NT5DC2: variants seen among roughly 807,000 people sequenced by gnomAD.
NT5DC2 encodes the protein 5'-nucleotidase domain containing 2.
NT5DC2 carries 41 observed loss-of-function variants against 70.0 expected under a neutral mutation model. That is an observed-to-expected ratio of 0.59 (90% CI 0.46 to 0.76). The LOEUF is 0.76. Among genes scored for constraint, NT5DC2 ranks in the 30% least tolerant of loss-of-function variants. NT5DC2 has a pLI of 0.00. For missense variants in NT5DC2, 705 were observed against 783.2 expected, an observed-to-expected ratio of 0.90 and a Z score of 1.19; for synonymous variants, 299 against 310.4, an observed-to-expected ratio of 0.96 and a Z score of 0.39.
At chr3:52,527,266 C>T (rs758639891) in intron 10 of NT5DC2, 28 bp downstream of exon 10, 2 of 1,609,528 alleles carry the variant, frequency 1.2e-6, no homozygotes, top group Middle Eastern at 1.7e-4. Flanking sequence ...GCCCCCACCA[C>T]ATGCTGCTCT....
In NT5DC2 at chr3:52,529,098, C is replaced by G; in HGVS notation, c.417+52G>C. 6.2e-7 allele frequency: 1 copy of G among 1,610,130 alleles called. No homozygotes were observed. Reference sequence around the variant, plus strand: ...GCCCTGAGCTTAGGCCAAGGTGGGTCTGGCCAGCCTCCAAGCCCTGGGTTT... The same window carrying G: ...GCCCTGAGCTTAGGCCAAGGTGGGTGTGGCCAGCCTCCAAGCCCTGGGTTT... On this transcript the variant is annotated intron_variant, in intron 2 of 13. Coordinates refer to ENST00000422318, the MANE Select transcript of NT5DC2 (RefSeq NM_001134231.2). The surrounding 1 kb of genome is among the most constrained non-coding windows in gnomAD (Gnocchi z 4.1).
rs2079332097 is a variant in NT5DC2 at position 52,529,522 on chromosome 3, T to C, written c.233-188A>G. ...AAGTCACTTGCCCAGGGTCACGCAG[T>C]TAGGGTAAGGCAGAGCCCCTGGCTG... On this transcript the variant is annotated intron_variant, in intron 1 of 13. Coordinates refer to ENST00000422318, the MANE Select transcript of NT5DC2 (RefSeq NM_001134231.2). The surrounding 1 kb of genome is among the most constrained non-coding windows in gnomAD (Gnocchi z 4.1). Among the ~76,000 whole-genome samples, 1 of 152,008 alleles carries C rather than the reference T, an allele frequency of 6.6e-6. No homozygotes were observed. The highest frequency in any genetic ancestry group is 1.5e-5 in the Non-Finnish European group (1 of 67,974).
At position 52,531,847 on chromosome 3, in the gene NT5DC2, C is replaced by T. The variant is rs1184858139; in HGVS notation, c.232+1659G>A. Among the ~76,000 whole-genome samples the T allele has an allele frequency of 6.6e-6, 1 of 152,220 alleles. No individual in the cohort carries two copies. The highest frequency in any genetic ancestry group is 1.5e-5 in the Non-Finnish European group (1 of 68,034). On this transcript the variant is annotated intron_variant, in intron 1 of 13. Coordinates refer to ENST00000422318, the MANE Select transcript of NT5DC2 (RefSeq NM_001134231.2). The surrounding 1 kb of genome is among the most constrained non-coding windows in gnomAD (Gnocchi z 4.1). Reference sequence around the variant, plus strand: ...GCCTTAGAGGCTTGTCTTGTTCAATCCTCACTCCCATCCTGTGAGGCAGTC... The same window carrying T: ...GCCTTAGAGGCTTGTCTTGTTCAATTCTCACTCCCATCCTGTGAGGCAGTC...
At chr3:52,525,176 T>A in intron 11 of NT5DC2, 33 bp downstream of exon 11, 11 of 1,564,916 alleles carry the variant, frequency 7.0e-6, no homozygotes, top group South Asian at 2.3e-5. Context: ...TTCCTGGCCC[T>A]CCCCCACTGC....
Position 52,529,024 on chromosome 3 carries a change from T to A in NT5DC2, c.418-89A>T. The A allele has an allele frequency of 6.3e-7, 1 of 1,586,808 alleles. No individual in the cohort carries two copies. The highest frequency in any genetic ancestry group is 8.6e-7 in the Non-Finnish European group (1 of 1,156,636). On this transcript the variant is annotated intron_variant, in intron 2 of 13. Transcript: ENST00000422318. This position sits in a 1 kb window ranked among gnomAD's most constrained non-coding sequence, Gnocchi z 4.1. ...ACCCCAGGGGGTCAATCCAGCCACC[T>A]GCCCAGGGCAGCTGCCAGGCAAGAG...
At position 52,528,845 on chromosome 3, in the gene NT5DC2, A is replaced by G. The variant is rs1386388515; in HGVS notation, c.492+16T>C. On this transcript the variant is annotated intron_variant, in intron 3 of 13. Transcript: ENST00000422318. ...GAGGCCAAGGAGGGAGCCCCTATAC[A>G]GGTCCAGCCACTCACCTTCTGAATG... is the stretch of plus-strand genomic sequence containing the variant. 1.9e-6 allele frequency: 3 copies of G among 1,613,162 alleles called. No homozygotes were observed. Among genetic ancestry groups the G allele is most frequent in the Admixed American group, 3.3e-5 (2 of 60,006 alleles).
intron 3 of NT5DC2, 82 bp downstream of exon 3, chr3:52,528,779 C>T: frequency 6.2e-7 from 1 of 1,600,586 alleles, no homozygotes; most frequent in Non-Finnish European, 8.6e-7. Context: ...ATGCCAGAAC[C>T]CCAGCTGGAT....
At chr3:52,528,983 T>G in intron 2 of NT5DC2, 48 bp from the exon 3 acceptor site, 1 of 1,599,612 alleles carries the variant, frequency 6.3e-7, no homozygotes, top group Non-Finnish European at 8.6e-7. Context: ...CTGCCAGACC[T>G]GCTGGCTGGG....
At position 52,533,692 on chromosome 3, in the gene NT5DC2, A is replaced by G. The variant is rs2079391344; in HGVS notation, c.46T>C (p.Cys16Arg). The G allele has an allele frequency of 3.7e-6, 4 of 1,072,820 alleles. No individual in the cohort carries two copies. In the South Asian group the frequency reaches 1.7e-4, roughly 47 times the overall value. The allele number at this position is 1,072,820 out of a possible 1,614,324, so 66.5% of individuals were successfully genotyped here. The change falls in exon 1 of 14, where the codon TGC (cysteine) becomes CGC (arginine). Residue 16 changes from cysteine (C) to arginine (R), a missense_variant. Cys to Arg is a radical substitution (Grantham distance 180, BLOSUM62 -3). Transcript: ENST00000422318. ...GCTCGCGGCCCGCCGTGGCCTCCGC[A>G]CAGCAGCCAGCGCCGAGCGGCCGCC... ...LRAAARRWLL[C>R]GGHGGPRAAS...
chr3:52,532,006 G>A (rs773640561), intron 1 of NT5DC2, among the ~76,000 whole-genome samples: 6 of 152,100 alleles, frequency 3.9e-5, no homozygotes, highest in Admixed American at 1.3e-4. Context: ...TAATCACTCT[G>A]CCTCTCAGCC....
At chr3:52,533,924 G>C, upstream of NT5DC2, 1 of 762,718 alleles carries the variant, frequency 1.3e-6, no homozygotes, top group Non-Finnish European at 1.6e-6. Flanking sequence ...GGGAGGCCCC[G>C]GACCCGGCGG....
Position 52,533,716 on chromosome 3 carries a change from C to G in NT5DC2, c.22G>C (p.Ala8Pro). 1.0e-6 allele frequency: 1 copy of G among 995,052 alleles called. No individual in the cohort carries two copies. Among genetic ancestry groups the G allele is most frequent in the Non-Finnish European group, 1.2e-6 (1 of 837,974 alleles). The allele number at this position is 995,052 out of a possible 1,614,324, so 61.6% of individuals were successfully genotyped here. A position where few individuals can be genotyped will look rare whatever the true frequency, so the allele number is the denominator to read the frequency against. MAGAGLRAAARRWLLCGG... is the reference protein window; with the variant it reads MAGAGLRPAARRWLLCGG... ...CACAGCAGCCAGCGCCGAGCGGCCG[C>G]CCGCAGCCCCGCACCCGCCATGCCC... The change falls in exon 1 of 14, where the codon GCG (alanine) becomes CCG (proline). Residue 8 changes from alanine to proline, a missense_variant. Coordinates refer to ENST00000422318, the MANE Select transcript of NT5DC2 (RefSeq NM_001134231.2).
At chr3:52,524,768 C>A in intron 13 of NT5DC2, 37 bp from the exon 14 acceptor site, 1 of 1,612,630 alleles carries the variant, frequency 6.2e-7, no homozygotes, top group African/African-American at 1.3e-5. Flanking sequence ...AGGGGTGGGC[C>A]TGGGGTGGTG....
chr3:52,532,477 T>C (rs914100188), intron 1 of NT5DC2: 28 of 985,192 alleles, frequency 2.8e-5, no homozygotes, highest in Non-Finnish European at 8.4e-6. Context: ...CCTTTACTGG[T>C]CAAGAAGTGA....
chr3:52,529,226 G>T lies in NT5DC2; in HGVS notation c.341C>A (p.Thr114Asn). 1.9e-6 allele frequency: 3 copies of T among 1,614,110 alleles called. No individual in the cohort carries two copies. Among genetic ancestry groups the T allele is most frequent in the Non-Finnish European group, 2.5e-6 (3 of 1,180,004 alleles). The change falls in exon 2 of 14, where the codon ACC (threonine) becomes AAC (asparagine). Residue 114 changes from threonine (T) to asparagine (N), a missense_variant. Coordinates refer to ENST00000422318, the MANE Select transcript of NT5DC2 (RefSeq NM_001134231.2). The surrounding 1 kb of genome is among the most constrained non-coding windows in gnomAD (Gnocchi z 4.1). ...VEVYGFDYDY[T>N]LAQYADALHP... ...CAGTGCGTCTGCATACTGGGCCAGGGTGTAGTCGTAGTCAAAGCCGTAGAC... is the reference window on the plus strand; with the variant it reads ...CAGTGCGTCTGCATACTGGGCCAGGTTGTAGTCGTAGTCAAAGCCGTAGAC...
upstream of NT5DC2, chr3:52,534,186 C>T: frequency 2.8e-6 from 1 of 356,004 alleles, no homozygotes; most frequent in South Asian, 2.6e-5. Context: ...CCGCCCTCTC[C>T]GCTCCCGGGT....
At chr3:52,532,456 T>C in intron 1 of NT5DC2, 2 of 985,370 alleles carry the variant, frequency 2.0e-6, no homozygotes, top group Non-Finnish European at 1.2e-6. Context: ...TCAGGGGCCT[T>C]TACCATCCTG....
At chr3:52,533,887 A>C (rs1342855592), upstream of NT5DC2, 7 of 946,866 alleles carry the variant, frequency 7.4e-6, no homozygotes, top group African/African-American at 1.8e-5. Flanking sequence ...CGGCCTGCCA[A>C]TGGGCGCGCC....
chr3:52,533,583 G>A lies in NT5DC2; in HGVS notation c.155C>T (p.Ala52Val). Residue 52 changes from alanine to valine, a missense_variant, in exon 1 of 14, where the codon GCC becomes GTC. Coordinates refer to ENST00000422318, the MANE Select transcript of NT5DC2 (RefSeq NM_001134231.2). ...HCPGVPRSAPAQAPTSGADLS... is the reference protein window; with the variant it reads ...HCPGVPRSAPVQAPTSGADLS... ...GTCGGCGCCGCTGGTGGGTGCCTGGGCGGGCGCGGAGCGCGGGACGCCGGG... is the reference window on the plus strand; with the variant it reads ...GTCGGCGCCGCTGGTGGGTGCCTGGACGGGCGCGGAGCGCGGGACGCCGGG... 7.7e-7 allele frequency: 1 copy of A among 1,298,260 alleles called. No homozygotes were observed. The highest frequency in any genetic ancestry group is 2.2e-5 in the South Asian group (1 of 45,296). 80.4% of individuals were successfully genotyped at this position (1,298,260 alleles called of 1,614,324 possible). A position where few individuals can be genotyped will look rare whatever the true frequency, so the allele number is the denominator to read the frequency against.
Sources: gnomAD v4.1 joint callset for allele counts (sites outside exome capture counted in the v4.1 genomes callset) on GRCh38, gnomAD v4.1.1 for gene constraint, Gnocchi (gnomAD v3.1) non-coding constraint, MANE v1.5 for transcripts, NCBI Gene and HGNC (gene_info 2026-07-23, HGNC 2026-07-21) for gene names.